The following MED29 variants were observed in gnomAD, a reference collection of about 807,000 sequenced individuals.
MED29 encodes the protein mediator complex subunit 29, also known as mediator of RNA polymerase II transcription subunit 29.
MED29 carries 14 observed loss-of-function variants against 22.0 expected under a neutral mutation model. The observed-to-expected ratio is 0.64, with a 90% CI of 0.42 to 0.99. MED29 has a LOEUF of 0.99. Among genes scored for constraint, MED29 ranks in the 50% least tolerant of loss-of-function variants. The pLI, the probability that MED29 is intolerant of heterozygous loss-of-function variation, is 0.00. For missense variants in MED29, 241 were observed against 253.7 expected, an observed-to-expected ratio of 0.95 and a Z score of 0.34; for synonymous variants, 123 against 107.8, an observed-to-expected ratio of 1.14 and a Z score of -0.87.
chr19:39,395,693 C>T (rs994796108), intron 3 of MED29, among the ~76,000 whole-genome samples: 4 of 152,096 alleles, frequency 2.6e-5, no homozygotes, highest in Admixed American at 1.3e-4. Flanking sequence ...CCGAGGCAGG[C>T]GGATCACAAG....
rs1176602349 is a variant in MED29 at position 39,393,460 on chromosome 19, C to A, written c.276-93C>A. 2.6e-6 allele frequency: 3 copies of A among 1,166,102 alleles called. No individual in the cohort carries two copies. In the East Asian group the frequency reaches 7.1e-5, roughly 27 times the overall value. The allele number at this position is 1,166,102 out of a possible 1,614,324, so 72.2% of individuals were successfully genotyped here. A position where few individuals can be genotyped will look rare whatever the true frequency, so the allele number is the denominator to read the frequency against. On this transcript the variant is annotated intron_variant, in intron 2 of 3. Transcript: ENST00000315588. The stretch of plus-strand genomic sequence containing the variant: ...CTACTTCAGATCTCCTGGACCTGTA[C>A]CTGGTTTCCTGATGGACACTTGGTT...
chr19:39,399,236 C>G lies in MED29; in HGVS notation c.*1537C>G, dbSNP rs1211010105. ...GGACTGTAGCCCGTCCAAGTTGACA[C>G]ATAAAACTGACCATCGGGCCGGGGG... On this transcript the variant is annotated 3_prime_UTR_variant, in exon 4 of 4. Transcript: ENST00000315588. The G allele has an allele frequency of 6.6e-6, 1 of 152,226 alleles. No individual in the cohort carries two copies. The highest frequency in any genetic ancestry group is 1.5e-5 in the Non-Finnish European group (1 of 68,040). 9.4% of individuals were successfully genotyped at this position (152,226 alleles called of 1,614,324 possible).
chr19:39,397,636 C>T lies in MED29; in HGVS notation c.540C>T (p.Asp180=). ...CAKDIHTALL[D]CANKVTGKTP... ...AGGACATTCACACCGCCCTGCTGGA[C>T]TGTGCCAACAAGGTCACGGGCAAGA... The change falls in exon 4 of 4, where the codon GAC becomes GAT. Residue 180 remains aspartate (D), a synonymous_variant. Coordinates refer to ENST00000315588, the MANE Select transcript of MED29 (RefSeq NM_017592.4). 1 of 1,613,420 alleles carries T rather than the reference C, an allele frequency of 6.2e-7. No individual in the cohort carries two copies. The highest frequency in any genetic ancestry group is 8.5e-7 in the Non-Finnish European group (1 of 1,179,986).
rs1437701266 is a variant in MED29 at position 39,399,586 on chromosome 19, C to T, written c.*1887C>T. 6.6e-6 allele frequency: 1 copy of T among 152,312 alleles called. No homozygotes were observed. The highest frequency in any genetic ancestry group is 2.4e-5 in the African/African-American group (1 of 41,458). 9.4% of individuals were successfully genotyped at this position (152,312 alleles called of 1,614,324 possible). On this transcript the variant is annotated 3_prime_UTR_variant, in exon 4 of 4. Coordinates refer to ENST00000315588, the MANE Select transcript of MED29 (RefSeq NM_017592.4). Reference sequence around the variant, plus strand: ...TCCTTGTCATCTGGGCACCCTCACACATCTCCTTAACCACACTTAATCTCC... The same window carrying T: ...TCCTTGTCATCTGGGCACCCTCACATATCTCCTTAACCACACTTAATCTCC...
chr19:39,395,858 A>G (rs1162708529), intron 3 of MED29, among the ~76,000 whole-genome samples: 1 of 152,074 alleles, frequency 6.6e-6, no homozygotes, highest in Admixed American at 6.5e-5. Context: ...CAGAGCTTGC[A>G]GTGAGCCGAG....
Position 39,397,775 on chromosome 19 carries a change from AAC to A in MED29, c.*80_*81del, listed in dbSNP as rs1450427452. ...GGGAATGAAGAGCGTCCTGGGCCTA[AAC>A]ACAGCAGCCTCCTCTCTTCCTGCCT... On this transcript the variant is annotated 3_prime_UTR_variant, in exon 4 of 4. Transcript: ENST00000315588. 2.5e-5 allele frequency: 39 copies of A among 1,539,170 alleles called. No homozygotes were observed. The highest frequency in any genetic ancestry group is 3.3e-5 in the Non-Finnish European group (38 of 1,144,320).
intron 3 of MED29, among the ~76,000 whole-genome samples, chr19:39,394,272 G>A (rs1009368038): frequency 6.6e-6 from 1 of 152,040 alleles, no homozygotes; most frequent in Non-Finnish European, 1.5e-5. Flanking sequence ...TTTTGGTGGG[G>A]GGGTGTGGGG....
At chr19:39,392,813 T>G in intron 2 of MED29, 1 of 365,398 alleles carries the variant, frequency 2.7e-6, no homozygotes, top group Non-Finnish European at 4.9e-6. Flanking sequence ...GTAAGATTTT[T>G]TTATAGAGAC....
Position 39,397,921 on chromosome 19 carries a change from A to T in MED29, c.*222A>T. 1 of 716,508 alleles carries T rather than the reference A, an allele frequency of 1.4e-6. No individual in the cohort carries two copies. Among genetic ancestry groups the T allele is most frequent in the Non-Finnish European group, 2.2e-6 (1 of 445,158 alleles). The allele number at this position is 716,508 out of a possible 1,614,324, so 44.4% of individuals were successfully genotyped here. A position where few individuals can be genotyped will look rare whatever the true frequency, so the allele number is the denominator to read the frequency against. On this transcript the variant is annotated 3_prime_UTR_variant, in exon 4 of 4. Coordinates refer to ENST00000315588, the MANE Select transcript of MED29 (RefSeq NM_017592.4). ...CCTCCTAGCCTAGGGTAGACTTTGA[A>T]CTGTGTGTGTTGATGACTTCTCTGT...
At chr19:39,393,511 T>G in intron 2 of MED29, 42 bp from the exon 3 acceptor site, 1 of 1,581,422 alleles carries the variant, frequency 6.3e-7, no homozygotes, top group Non-Finnish European at 8.7e-7. Flanking sequence ...TCCCAAAGAT[T>G]AGAAATCAAT....
At chr19:39,392,745 C>A in intron 2 of MED29, 2 of 525,806 alleles carry the variant, frequency 3.8e-6, no homozygotes, top group Non-Finnish European at 6.7e-6. Context: ...CTTGCCTCAG[C>A]CTCCCAAGTA....
In MED29 at chr19:39,397,559, CT is replaced by C. The variant is rs1194523143; in HGVS notation, c.464del (p.Leu155ProfsTer66). On this transcript the variant is annotated frameshift_variant, in exon 4 of 4. Transcript: ENST00000315588. LOFTEE classifies it high-confidence loss of function. ...TKPDAVQPDSLPYPQYLAVIK... is the reference protein window; with the variant it reads ...TKPDAVQPDSXPYPQYLAVIK... The stretch of plus-strand genomic sequence containing the variant: ...GCCCGACGCAGTGCAGCCTGACAGC[CT>C]CCCCTACCCACAGTACCTGGCGGTC... 10 of 1,613,580 alleles carry C rather than the reference CT, an allele frequency of 6.2e-6. No individual in the cohort carries two copies. The highest frequency in any genetic ancestry group is 8.5e-6 in the Non-Finnish European group (10 of 1,180,024).
intron 3 of MED29, among the ~76,000 whole-genome samples, chr19:39,396,435 A>G (rs1173624729): frequency 6.6e-6 from 1 of 151,088 alleles, no homozygotes; most frequent in Non-Finnish European, 1.5e-5. Context: ...ACTGTCTCCA[A>G]AAAAAAAGGG....
rs1308629359 is a variant in MED29, at chr19:39,393,543, TTG to T, written c.276-8_276-7del. 7.4e-6 allele frequency: 12 copies of T among 1,612,700 alleles called. No homozygotes were observed. The highest frequency in any genetic ancestry group is 1.3e-5 in the African/African-American group (1 of 74,902). On this transcript the variant is annotated splice_region_variant and splice_polypyrimidine_tract_variant and intron_variant, in intron 2 of 3. Transcript: ENST00000315588. ...CAATTCTTCAGACATCCTTTTTTCC[TTG>T]TCTGTAGAAAGAGCAGTGATGGACC...
In MED29 at chr19:39,397,788, C is replaced by T. The variant is rs1478382484; in HGVS notation, c.*89C>T. 6.6e-7 allele frequency: 1 copy of T among 1,511,874 alleles called. No individual in the cohort carries two copies. The highest frequency in any genetic ancestry group is 8.9e-7 in the Non-Finnish European group (1 of 1,129,568). The allele number at this position is 1,511,874 out of a possible 1,614,324, so 93.7% of individuals were successfully genotyped here. On this transcript the variant is annotated 3_prime_UTR_variant, in exon 4 of 4. Coordinates refer to ENST00000315588, the MANE Select transcript of MED29 (RefSeq NM_017592.4). ...GTCCTGGGCCTAAACACAGCAGCCT[C>T]CTCTCTTCCTGCCTGAGCACCGCAG... is the stretch of plus-strand genomic sequence containing the variant.
Position 39,397,982 on chromosome 19 carries a change from AG to A in MED29, c.*284del. On this transcript the variant is annotated 3_prime_UTR_variant, in exon 4 of 4. Transcript: ENST00000315588. ...CTCCCCCATTCTTGCCTGGGTGTGG[AG>A]CCCTGGCTGTCCCCTCTCCCTCAGT... is the stretch of plus-strand genomic sequence containing the variant. The A allele has an allele frequency of 1.8e-6, 1 of 557,808 alleles. No individual in the cohort carries two copies. The highest frequency in any genetic ancestry group is 3.2e-6 in the Non-Finnish European group (1 of 315,972). The allele number at this position is 557,808 out of a possible 1,614,324, so 34.6% of individuals were successfully genotyped here.
chr19:39,393,545 G>T lies in MED29; in HGVS notation c.276-8G>T, dbSNP rs373761291. ...ATTCTTCAGACATCCTTTTTTCCTT[G>T]TCTGTAGAAAGAGCAGTGATGGACC... On this transcript the variant is annotated splice_region_variant and splice_polypyrimidine_tract_variant and intron_variant, in intron 2 of 3. Transcript: ENST00000315588. 3.7e-6 allele frequency: 6 copies of T among 1,612,072 alleles called. No homozygotes were observed. Among genetic ancestry groups the T allele is most frequent in the Non-Finnish European group, 5.1e-6 (6 of 1,178,994 alleles).
chr19:39,396,529 C>A (rs1174023155), intron 3 of MED29, among the ~76,000 whole-genome samples: 1 of 151,616 alleles, frequency 6.6e-6, no homozygotes, highest in Non-Finnish European at 1.5e-5. Flanking sequence ...AGTTCGAGAC[C>A]AGCCTGGCCA....
At chr19:39,395,185 C>T (rs2078421824) in intron 3 of MED29, among the ~76,000 whole-genome samples, 1 of 152,104 alleles carries the variant, frequency 6.6e-6, no homozygotes, top group Admixed American at 6.6e-5. Context: ...GGTTGAGAAG[C>T]TTGGTAGTGT....
Sources: allele counts gnomAD v4.1 joint callset (sites outside exome capture counted in the v4.1 genomes callset), GRCh38; gene constraint gnomAD v4.1.1; transcripts MANE v1.5; gene names NCBI Gene and HGNC (gene_info 2026-07-23, HGNC 2026-07-21).